Variants in MS4A15 observed in about 807,000 individuals in gnomAD.
MS4A15 encodes membrane-spanning 4-domains subfamily A member 15.
Under a neutral mutation model 20.6 loss-of-function variants are expected in MS4A15, and 22 were observed. The ratio of observed to expected loss-of-function variants is 1.07; its 90% CI spans 0.76 to 1.52. The LOEUF is 1.52. MS4A15 is among the 40% of genes most tolerant of loss of function. The pLI, the probability that MS4A15 is intolerant of heterozygous loss-of-function variation, is 0.00. For missense variants in MS4A15, 312 were observed against 323.0 expected (o/e 0.97, Z 0.26); for synonymous variants, 129 against 129.3 (o/e 1.00, Z 0.02).
At chr11:60,766,019 G>A (rs180895667) in intron 2 of MS4A15, among the ~76,000 whole-genome samples, 1 of 152,328 alleles carries the variant, frequency 6.6e-6, no homozygotes, top group East Asian at 1.9e-4. Flanking sequence ...TCATAGCTGG[G>A]ACACTTCGGG....
chr11:60,758,275 G>A (rs116468586), intron 1 of MS4A15, among the ~76,000 whole-genome samples: 6,469 of 151,666 alleles, frequency 0.043, 443 homozygotes, highest in African/African-American at 0.15. Context: ...AAAAAATCCC[G>A]TAAGACAATC....
chr11:60,773,088 A>G (rs999369940), intron 4 of MS4A15, among the ~76,000 whole-genome samples: 1 of 152,234 alleles, frequency 6.6e-6, no homozygotes. Context: ...AGTACGGGGT[A>G]AGCTGGAGGC....
At chr11:60,767,012 C>G (rs1311297110) in intron 2 of MS4A15, among the ~76,000 whole-genome samples, 1 of 152,220 alleles carries the variant, frequency 6.6e-6, no homozygotes, top group African/African-American at 2.4e-5. Flanking sequence ...CACTTCTGGG[C>G]ATAGACTAGT....
chr11:60,767,537 T>C lies in MS4A15; in HGVS notation c.230T>C (p.Val77Ala). The C allele has an allele frequency of 6.5e-7, 1 of 1,543,446 alleles. No individual in the cohort carries two copies. ...LTGEPKVLGTVQILIGLIHLG... is the reference protein window; with the variant it reads ...LTGEPKVLGTAQILIGLIHLG... ...GAGCCTCGGGGCTTCCCGCAGACGG[T>C]GCAGATCCTCATCGGCCTCATCCAC... is the stretch of plus-strand genomic sequence containing the variant. The change falls in exon 3 of 7, where the codon GTG becomes GCG. Residue 77 changes from valine to alanine, a missense_variant. Val to Ala is a moderately conservative substitution (Grantham distance 64). Coordinates refer to ENST00000405633, the MANE Select transcript of MS4A15 (RefSeq NM_001098835.2).
At chr11:60,759,754 A>G (rs1853687015) in intron 1 of MS4A15, among the ~76,000 whole-genome samples, 1 of 152,114 alleles carries the variant, frequency 6.6e-6, no homozygotes, top group South Asian at 2.1e-4. Flanking sequence ...TGTTTGGGTA[A>G]AGAGAAACAT....
At chr11:60,762,333 T>C (rs377667278) in intron 1 of MS4A15, among the ~76,000 whole-genome samples, 2 of 152,184 alleles carry the variant, frequency 1.3e-5, no homozygotes, top group East Asian at 1.9e-4. Flanking sequence ...TAATTGGCAA[T>C]ATAATTCTAT....
chr11:60,772,892 C>T (rs1221119223), intron 4 of MS4A15, among the ~76,000 whole-genome samples: 1 of 152,132 alleles, frequency 6.6e-6, no homozygotes, highest in East Asian at 1.9e-4. Flanking sequence ...TGCCTGGTGC[C>T]CCACCAGTGT....
chr11:60,762,267 G>A (rs1356496004), intron 1 of MS4A15, among the ~76,000 whole-genome samples: 2 of 152,180 alleles, frequency 1.3e-5, no homozygotes, highest in Non-Finnish European at 2.9e-5. Flanking sequence ...TAAAGCTGCA[G>A]TTGAATGGCT....
intron 3 of MS4A15, among the ~76,000 whole-genome samples, chr11:60,770,021 C>A (rs770091686): frequency 1.3e-5 from 2 of 152,220 alleles, no homozygotes; most frequent in Non-Finnish European, 2.9e-5. Context: ...CCCAGAGTGG[C>A]GCAGCACTGC....
At chr11:60,774,078 A>G in intron 6 of MS4A15, 128 bp downstream of exon 6, 1 of 716,188 alleles carries the variant, frequency 1.4e-6, no homozygotes. Flanking sequence ...ATAAGAAGAG[A>G]CAGCGCTAGG....
At chr11:60,762,509 C>A (rs1853769927) in intron 1 of MS4A15, among the ~76,000 whole-genome samples, 1 of 152,084 alleles carries the variant, frequency 6.6e-6, no homozygotes, top group Non-Finnish European at 1.5e-5. Flanking sequence ...AAACAAATAC[C>A]CTTCAACAAT....
At chr11:60,768,118 G>A (rs1402564902) in intron 3 of MS4A15, among the ~76,000 whole-genome samples, 1 of 152,210 alleles carries the variant, frequency 6.6e-6, no homozygotes, top group Non-Finnish European at 1.5e-5. Flanking sequence ...GCTTTAACCC[G>A]GGAGGCGGAG....
intron 3 of MS4A15, 87 bp from the exon 4 acceptor site, chr11:60,771,204 C>T (rs1854027725): frequency 6.6e-6 from 10 of 1,504,264 alleles, no homozygotes; most frequent in Non-Finnish European, 9.1e-6. Flanking sequence ...GTTGTCTCTC[C>T]CTGGCACCTC....
chr11:60,770,564 C>T (rs912696710), intron 3 of MS4A15, among the ~76,000 whole-genome samples: 1 of 150,060 alleles, frequency 6.7e-6, no homozygotes. Context: ...TGCCACTGCA[C>T]TCCAGCCTGT....
At chr11:60,766,506 TC>T (rs1189564825) in intron 2 of MS4A15, among the ~76,000 whole-genome samples, 2 of 152,168 alleles carry the variant, frequency 1.3e-5, no homozygotes, top group African/African-American at 4.8e-5. Context: ...AGCTGGTGTT[TC>T]CCAAGGCATA....
chr11:60,774,066 C>T, intron 6 of MS4A15, 116 bp downstream of exon 6: 1 of 764,172 alleles, frequency 1.3e-6, no homozygotes, highest in Non-Finnish European at 2.3e-6. Flanking sequence ...CTCTGGGAAG[C>T]AATAAGAAGA....
intron 2 of MS4A15, 125 bp from the exon 3 acceptor site, chr11:60,767,408 A>G: frequency 8.3e-7 from 1 of 1,207,770 alleles, no homozygotes; most frequent in Non-Finnish European, 1.1e-6. Context: ...AAAGAACAGA[A>G]TCTGAGTTTC....
At chr11:60,764,007 G>A (rs1235728933) in intron 2 of MS4A15, 49 bp downstream of exon 2, 1 of 1,508,026 alleles carries the variant, frequency 6.6e-7, no homozygotes, top group Non-Finnish European at 9.0e-7. Flanking sequence ...GAGTATCCCA[G>A]CACCGGAACA....
In MS4A15 at chr11:60,773,884, G is replaced by A. The variant is rs1854111665; in HGVS notation, c.546G>A (p.Leu182=). 3 of 1,614,036 alleles carry A rather than the reference G, an allele frequency of 1.9e-6. No individual in the cohort carries two copies. Among genetic ancestry groups the A allele is most frequent in the South Asian group, 2.2e-5 (2 of 91,086 alleles). Residue 182 remains leucine (L), a synonymous_variant, in exon 6 of 7, where the codon CTG becomes CTA. Transcript: ENST00000405633. ...CCGTGCTTACTATCTTCACTGTCCT[G>A]GAGTTCTTCACAGCGGTCATTGCCA... ...YLAVLTIFTV[L]EFFTAVIAMH... is the part of the protein sequence containing the mutation.
Sources: allele counts gnomAD v4.1 joint callset (sites outside exome capture counted in the v4.1 genomes callset), GRCh38; gene constraint gnomAD v4.1.1; transcripts MANE v1.5; gene names NCBI Gene and HGNC (gene_info 2026-07-23, HGNC 2026-07-21).